Variants in NHSL1 observed in about 807,000 individuals in gnomAD.
NHSL1 encodes NHS like 1, also known as NHS-like protein 1.
Under a neutral mutation model 95.0 loss-of-function variants are expected in NHSL1, and 48 were observed. The observed-to-expected ratio is 0.51, with a 90% confidence interval of 0.40 to 0.64. The LOEUF is 0.64. NHSL1 is among the 30% of genes least tolerant of loss of function. The pLI is 0.00. For synonymous variants in NHSL1, 783 were observed against 833.9 expected (o/e 0.94, Z 1.05); for missense variants, 1,971 against 2,077.7 (o/e 0.95, Z 1.00).
chr6:138,475,725 C>T (rs1228485995), intron 2 of NHSL1, among the ~76,000 whole-genome samples: 3 of 151,978 alleles, frequency 2.0e-5, no homozygotes, highest in African/African-American at 7.2e-5. Flanking sequence ...GCCGGTGGAT[C>T]ACTTGGCGCT....
At chr6:138,509,464 T>C (rs762147926) in intron 1 of NHSL1, among the ~76,000 whole-genome samples, 1 of 152,214 alleles carries the variant, frequency 6.6e-6, no homozygotes, top group Non-Finnish European at 1.5e-5. Context: ...ACAAAGAATC[T>C]ATACTCGAAA....
chr6:138,674,293 C>T (rs1212764627), intron 1 of NHSL1, among the ~76,000 whole-genome samples: 2 of 147,488 alleles, frequency 1.4e-5, no homozygotes, highest in African/African-American at 5.0e-5. Flanking sequence ...TTTTTTGAAG[C>T]GTGTAATTTG....
chr6:138,670,394 C>T (rs1240982319), intron 1 of NHSL1, among the ~76,000 whole-genome samples: 1 of 150,788 alleles, frequency 6.6e-6, no homozygotes, highest in Non-Finnish European at 1.5e-5. Context: ...AGGCCGGGCG[C>T]GGTGGCTCAC....
intron 1 of NHSL1, among the ~76,000 whole-genome samples, chr6:138,606,520 T>C (rs892250365): frequency 8.5e-5 from 13 of 152,112 alleles, no homozygotes; most frequent in Non-Finnish European, 1.8e-4. Flanking sequence ...CAAAGCCGTC[T>C]ACAACAAGGG....
intron 1 of NHSL1, among the ~76,000 whole-genome samples, chr6:138,634,685 G>C (rs1784865123): frequency 6.6e-6 from 1 of 152,028 alleles, no homozygotes; most frequent in African/African-American, 2.4e-5. Context: ...CTGCACTGTA[G>C]ACCAAATAGA....
chr6:138,676,384 G>A (rs1180319787), intron 1 of NHSL1, among the ~76,000 whole-genome samples: 2 of 151,624 alleles, frequency 1.3e-5, no homozygotes, highest in Non-Finnish European at 2.9e-5. Flanking sequence ...TTTACACTTA[G>A]GTTTTAAAAT....
chr6:138,448,458 C>T (rs1485720848), intron 3 of NHSL1, among the ~76,000 whole-genome samples: 2 of 152,152 alleles, frequency 1.3e-5, no homozygotes, highest in African/African-American at 4.8e-5. Context: ...AGTCAGTGAA[C>T]CTTCCCAAAG....
intron 1 of NHSL1, among the ~76,000 whole-genome samples, chr6:138,544,993 T>C (rs1003753114): frequency 7.7e-6 from 1 of 129,386 alleles, no homozygotes; most frequent in South Asian, 2.4e-4. Context: ...CTTTTTTTTT[T>C]TTTTTTTTTT....
intron 1 of NHSL1, among the ~76,000 whole-genome samples, chr6:138,585,462 G>A (rs998207627): frequency 2.6e-5 from 4 of 152,116 alleles, no homozygotes; most frequent in African/African-American, 9.7e-5. Flanking sequence ...ATTCCGACAA[G>A]TTAAAGGAAA....
At chr6:138,626,382 G>C (rs534703205) in intron 1 of NHSL1, among the ~76,000 whole-genome samples, 6 of 152,254 alleles carry the variant, frequency 3.9e-5, no homozygotes, top group Admixed American at 2.0e-4. Flanking sequence ...GTGGTAGATA[G>C]GTTGATTATG....
chr6:138,691,951 T>A (rs1383889176), intron 1 of NHSL1: 4 of 456,736 alleles, frequency 8.8e-6, no homozygotes, highest in South Asian at 6.2e-5. Context: ...ATAGTTTTGC[T>A]TGTCGGTAAG....
intron 3 of NHSL1, among the ~76,000 whole-genome samples, chr6:138,467,292 G>A (rs1307273717): frequency 1.3e-5 from 2 of 151,842 alleles, no homozygotes; most frequent in South Asian, 2.1e-4. Flanking sequence ...AGCTGGGACC[G>A]CAGGTGCCCG....
intron 1 of NHSL1, among the ~76,000 whole-genome samples, chr6:138,653,852 AC>A (rs1331832743): frequency 1.3e-5 from 2 of 152,140 alleles, no homozygotes; most frequent in East Asian, 3.8e-4. Flanking sequence ...TCTTACCCTT[AC>A]TGTATGATAC....
chr6:138,583,501 C>A (rs77140221), intron 1 of NHSL1, among the ~76,000 whole-genome samples: 4,785 of 152,218 alleles, frequency 0.031, 99 homozygotes, highest in Middle Eastern at 0.095. Flanking sequence ...TCCCGTAACA[C>A]CCCACGCAGA....
At chr6:138,508,139 C>A (rs1440653439) in intron 1 of NHSL1, among the ~76,000 whole-genome samples, 1 of 152,108 alleles carries the variant, frequency 6.6e-6, no homozygotes, top group Non-Finnish European at 1.5e-5. Context: ...AAATGTTGAA[C>A]AAACGAAAGG....
In NHSL1 at chr6:138,430,406, T is replaced by C. The variant is rs1775553793; in HGVS notation, c.3939A>G (p.Gln1313=). 1.3e-6 allele frequency: 2 copies of C among 1,486,410 alleles called. No individual in the cohort carries two copies. Among genetic ancestry groups the C allele is most frequent in the South Asian group, 1.4e-5 (1 of 73,056 alleles). 92.1% of individuals were successfully genotyped at this position (1,486,410 alleles called of 1,614,324 possible). A position where few individuals can be genotyped will look rare whatever the true frequency, so the allele number is the denominator to read the frequency against. The change falls in exon 6 of 8, where the codon CAA becomes CAG. Residue 1313 remains glutamine, a synonymous_variant. Coordinates refer to ENST00000343505, the MANE Select transcript of NHSL1 (RefSeq NM_001144060.2). This position sits in a 1 kb window ranked among gnomAD's most constrained non-coding sequence, Gnocchi z 4.7. ...AGCCAGACTCACCTGCTCCGTCCTGTTGAGATAGGCAGCTCTCCCCATCGC... is the reference window on the plus strand; with the variant it reads ...AGCCAGACTCACCTGCTCCGTCCTGCTGAGATAGGCAGCTCTCCCCATCGC... ...TGGDGESCLS[Q]QDGAAGVPET... is the part of the protein sequence containing the mutation.
intron 1 of NHSL1, among the ~76,000 whole-genome samples, chr6:138,688,961 G>A (rs1296641309): frequency 6.6e-6 from 1 of 152,140 alleles, no homozygotes; most frequent in African/African-American, 2.4e-5. Flanking sequence ...TTGTATTTTT[G>A]TACTTGTACT....
chr6:138,603,815 T>C (rs1201239074), intron 1 of NHSL1, among the ~76,000 whole-genome samples: 1 of 152,166 alleles, frequency 6.6e-6, no homozygotes, highest in Non-Finnish European at 1.5e-5. Flanking sequence ...TTAAGATTGG[T>C]TTTCATTTTT....
At chr6:138,579,063 C>T (rs979602117) in intron 1 of NHSL1, among the ~76,000 whole-genome samples, 1 of 152,200 alleles carries the variant, frequency 6.6e-6, no homozygotes, top group Non-Finnish European at 1.5e-5. Flanking sequence ...CAACCTAGAT[C>T]CCTGGCATGC....
Sources: allele counts gnomAD v4.1 joint callset (sites outside exome capture counted in the v4.1 genomes callset), GRCh38; gene constraint gnomAD v4.1.1; non-coding constraint Gnocchi (gnomAD v3.1); transcripts MANE v1.5; gene names NCBI Gene and HGNC (gene_info 2026-07-23, HGNC 2026-07-21).